The following B3GALT1 variants were observed in gnomAD, a reference collection of about 807,000 sequenced individuals.
The protein encoded by B3GALT1 is beta-1,3-galactosyltransferase 1.
A neutral mutation model predicts 23.2 loss-of-function variants in B3GALT1; 10 were observed. The observed-to-expected ratio is 0.43, with a 90% CI of 0.27 to 0.73. B3GALT1 has a LOEUF of 0.73. Ranked by LOEUF, B3GALT1 falls within the 30% of genes least tolerant of loss-of-function variation. The pLI is 0.21. For missense variants in B3GALT1, 299 were observed against 405.4 expected (o/e 0.74, Z 2.25); for synonymous variants, 156 against 141.5 (o/e 1.10, Z -0.73).
chr2:167,813,844 T>G (rs1458591720), intron 3 of B3GALT1, among the ~76,000 whole-genome samples: 2 of 152,214 alleles, frequency 1.3e-5, no homozygotes, highest in African/African-American at 4.8e-5. Context: ...AATTGGATAT[T>G]GAGTTGCATA....
intron 1 of B3GALT1, among the ~76,000 whole-genome samples, chr2:167,387,346 G>A (rs993959306): frequency 6.6e-6 from 1 of 152,172 alleles, no homozygotes; most frequent in Non-Finnish European, 1.5e-5. Context: ...CATTAATTAA[G>A]TAGAGTCATA....
At chr2:167,478,989 G>A (rs936755109) in intron 1 of B3GALT1, among the ~76,000 whole-genome samples, 6 of 152,004 alleles carry the variant, frequency 3.9e-5, no homozygotes, top group African/African-American at 7.2e-5. Flanking sequence ...GTGTGATCCC[G>A]GGAGGCGAAG....
chr2:167,349,544 T>C (rs1324071745), intron 1 of B3GALT1, among the ~76,000 whole-genome samples: 1 of 152,152 alleles, frequency 6.6e-6, no homozygotes, highest in Non-Finnish European at 1.5e-5. Context: ...AGGTCTATGG[T>C]AAGAATAAGT....
intron 1 of B3GALT1, among the ~76,000 whole-genome samples, chr2:167,420,370 A>G (rs1698528025): frequency 6.6e-6 from 1 of 152,232 alleles, no homozygotes; most frequent in African/African-American, 2.4e-5. Flanking sequence ...CTACAAGAAA[A>G]GAAGAACAAC....
intron 3 of B3GALT1, among the ~76,000 whole-genome samples, chr2:167,677,063 G>A (rs1008480340): frequency 2.0e-5 from 3 of 152,150 alleles, no homozygotes; most frequent in Non-Finnish European, 2.9e-5. Flanking sequence ...GTGGTTATCA[G>A]GAGCTGGGTG....
At chr2:167,803,589 T>A (rs1488275779) in intron 3 of B3GALT1, among the ~76,000 whole-genome samples, 1 of 152,164 alleles carries the variant, frequency 6.6e-6, no homozygotes, top group Non-Finnish European at 1.5e-5. Context: ...GCTGGTGCTG[T>A]GACTCTGCAG....
intron 1 of B3GALT1, among the ~76,000 whole-genome samples, chr2:167,449,657 C>A (rs1212241668): frequency 6.6e-6 from 1 of 152,102 alleles, no homozygotes. Context: ...GAGTAAGTAT[C>A]CTTGTCTAGT....
chr2:167,581,288 A>G (rs561271277), intron 2 of B3GALT1, among the ~76,000 whole-genome samples: 4 of 152,350 alleles, frequency 2.6e-5, no homozygotes, highest in African/African-American at 7.2e-5. Flanking sequence ...AATATAATAT[A>G]TGAACTGTGT....
At position 167,635,465 on chromosome 2, in the gene B3GALT1, C is replaced by G. The variant is rs138026659; in HGVS notation, c.-409-11444C>G. On this transcript the variant is annotated intron_variant, in intron 2 of 4. Coordinates refer to ENST00000392690, the MANE Select transcript of B3GALT1 (RefSeq NM_020981.4). ...TTTAAAAAACCCTATTGTCTCAGCCCGAAATCTCCTTAAGCTGATAAGCAA... is the reference window on the plus strand; with the variant it reads ...TTTAAAAAACCCTATTGTCTCAGCCGGAAATCTCCTTAAGCTGATAAGCAA... 4.9e-3 allele frequency among the ~76,000 whole-genome samples: 750 copies of G among 152,206 alleles called. 4 individuals are homozygous for G. Among genetic ancestry groups the G allele is most frequent in the African/African-American group, 0.017 (709 of 41,548 alleles).
chr2:167,592,350 CT>C (rs1352309182), intron 2 of B3GALT1, among the ~76,000 whole-genome samples: 1 of 152,180 alleles, frequency 6.6e-6, no homozygotes, highest in African/African-American at 2.4e-5. Flanking sequence ...CTCTCTCACC[CT>C]TTGCCCTCCA....
chr2:167,577,391 T>A (rs1325288422), intron 2 of B3GALT1, among the ~76,000 whole-genome samples: 1 of 151,882 alleles, frequency 6.6e-6, no homozygotes, highest in Admixed American at 6.6e-5. Flanking sequence ...AGGTATTCAT[T>A]TATCAAGTGG....
chr2:167,354,098 T>C (rs73017784), intron 1 of B3GALT1, among the ~76,000 whole-genome samples: 2,504 of 152,318 alleles, frequency 0.016, 76 homozygotes, highest in African/African-American at 0.058. Context: ...CTACCACTTA[T>C]GTGTCAGCTC....
chr2:167,681,689 CAATT>C (rs1366099517), intron 3 of B3GALT1, among the ~76,000 whole-genome samples: 6 of 152,182 alleles, frequency 3.9e-5, no homozygotes, highest in Non-Finnish European at 8.8e-5. Context: ...ATCAGTATCA[CAATT>C]AATTAATGAG....
At chr2:167,363,436 C>T (rs1697530456) in intron 1 of B3GALT1, among the ~76,000 whole-genome samples, 1 of 152,090 alleles carries the variant, frequency 6.6e-6, no homozygotes, top group African/African-American at 2.4e-5. Context: ...ATTGATCATA[C>T]ATTTTCTCAA....
In B3GALT1 at chr2:167,818,714, C is replaced by A. The variant is rs1256569766; in HGVS notation, c.-309C>A. Among the ~76,000 whole-genome samples the A allele has an allele frequency of 2.6e-5, 4 of 152,166 alleles. No individual in the cohort carries two copies. Among genetic ancestry groups the A allele is most frequent in the Admixed American group, 6.5e-5 (1 of 15,278 alleles). On this transcript the variant is annotated 5_prime_UTR_variant, in exon 4 of 5. Transcript: ENST00000392690. ...CTGGCACGGGCACCTTGAATCTCCTCCTCACACAGATGGAGACCATGCTTG... is the reference window on the plus strand; with the variant it reads ...CTGGCACGGGCACCTTGAATCTCCTACTCACACAGATGGAGACCATGCTTG...
intron 2 of B3GALT1, among the ~76,000 whole-genome samples, chr2:167,505,413 A>G (rs1055333471): frequency 5.3e-5 from 8 of 152,232 alleles, no homozygotes; most frequent in Admixed American, 1.3e-4. Context: ...GAAGCCTATA[A>G]CAATCTAAAA....
chr2:167,629,383 C>G (rs1206692533), intron 2 of B3GALT1, among the ~76,000 whole-genome samples: 1 of 151,622 alleles, frequency 6.6e-6, no homozygotes, highest in Non-Finnish European at 1.5e-5. Context: ...TGACGTCAGC[C>G]TATGGGCAGA....
At chr2:167,689,614 G>A (rs1335879965) in intron 3 of B3GALT1, among the ~76,000 whole-genome samples, 1 of 152,110 alleles carries the variant, frequency 6.6e-6, no homozygotes, top group Non-Finnish European at 1.5e-5. Context: ...TTTTAAGGTT[G>A]GAAGCAGAGG....
chr2:167,301,821 TTA>T, intron 1 of B3GALT1, among the ~76,000 whole-genome samples: 1 of 152,280 alleles, frequency 6.6e-6, no homozygotes, highest in Non-Finnish European at 1.5e-5. Flanking sequence ...AGTGTTGGGA[TTA>T]CAGGTGTGAG....
Sources: allele counts gnomAD v4.1 joint callset (sites outside exome capture counted in the v4.1 genomes callset), GRCh38; gene constraint gnomAD v4.1.1; transcripts MANE v1.5; gene names NCBI Gene and HGNC (gene_info 2026-07-23, HGNC 2026-07-21).